The following SDK1 variants were observed in gnomAD, a reference collection of about 807,000 sequenced individuals.
The protein encoded by SDK1 is protein sidekick-1.
Under a neutral mutation model 245.5 loss-of-function variants are expected in SDK1, and 157 were observed. The ratio of observed to expected loss-of-function variants is 0.64; its 90% CI spans 0.56 to 0.73. The LOEUF is 0.73. SDK1 is among the 30% of genes least tolerant of loss of function. The pLI is 0.00. For synonymous variants in SDK1, 1,647 were observed against 1,278.5 expected (o/e 1.29, Z -6.15); for missense variants, 3,583 against 3,002.3 (o/e 1.19, Z -4.52).
chr7:3,763,804 T>A (rs568516017), intron 4 of SDK1, among the ~76,000 whole-genome samples: 3 of 152,192 alleles, frequency 2.0e-5, no homozygotes, highest in Non-Finnish European at 4.4e-5. Context: ...CATGACATAT[T>A]CATACATTAG....
chr7:3,507,179 C>T (rs926208414), intron 1 of SDK1, among the ~76,000 whole-genome samples: 7 of 152,186 alleles, frequency 4.6e-5, no homozygotes, highest in East Asian at 1.9e-4. Context: ...GTCTTCAACA[C>T]TGTGTGTACT....
intron 7 of SDK1, chr7:3,957,899 G>A: frequency 2.2e-6 from 1 of 459,634 alleles, no homozygotes; most frequent in South Asian, 1.6e-5. Context: ...GGTTGATTCA[G>A]GCAGATTCTT....
intron 25 of SDK1, among the ~76,000 whole-genome samples, chr7:4,125,239 T>C (rs1784314995): frequency 1.4e-5 from 2 of 143,096 alleles, no homozygotes; most frequent in African/African-American, 5.4e-5. Flanking sequence ...GGATGATGGA[T>C]GGAGGAATGA....
At chr7:3,971,319 C>T (rs1176434874) in intron 11 of SDK1, 147 bp from the exon 12 acceptor site, 1 of 639,504 alleles carries the variant, frequency 1.6e-6, no homozygotes, top group African/African-American at 1.8e-5. Flanking sequence ...CCTAGCATTT[C>T]TGAGAGTGAT....
chr7:3,571,759 A>G (rs1275024888), intron 1 of SDK1, among the ~76,000 whole-genome samples: 1 of 152,138 alleles, frequency 6.6e-6, no homozygotes, highest in Non-Finnish European at 1.5e-5. Flanking sequence ...TAATCAGAGA[A>G]TGGGATTAAA....
intron 1 of SDK1, among the ~76,000 whole-genome samples, chr7:3,323,447 G>GT (rs1294192997): frequency 6.6e-6 from 1 of 152,226 alleles, no homozygotes; most frequent in Non-Finnish European, 1.5e-5. Context: ...GCCATAAGAT[G>GT]TGTAGAGGTT....
chr7:3,353,698 A>G (rs970707371), intron 1 of SDK1, among the ~76,000 whole-genome samples: 1 of 152,158 alleles, frequency 6.6e-6, no homozygotes, highest in Non-Finnish European at 1.5e-5. Flanking sequence ...AATAGAAACT[A>G]TTGATGACTC....
chr7:3,680,847 A>G (rs900831021), intron 4 of SDK1, among the ~76,000 whole-genome samples: 1 of 151,824 alleles, frequency 6.6e-6, no homozygotes, highest in East Asian at 1.9e-4. Context: ...TTATTTATTT[A>G]TTTATGTATT....
intron 1 of SDK1, among the ~76,000 whole-genome samples, chr7:3,579,096 C>A (rs1780400005): frequency 6.6e-6 from 1 of 151,880 alleles, no homozygotes; most frequent in Admixed American, 6.6e-5. Context: ...ACAACTTTTC[C>A]TATATAAAGG....
intron 1 of SDK1, among the ~76,000 whole-genome samples, chr7:3,617,640 A>T (rs1279886944): frequency 1.3e-5 from 2 of 152,338 alleles, no homozygotes; most frequent in East Asian, 1.9e-4. Context: ...GTGCTATATC[A>T]TCCTGTCATG....
intron 1 of SDK1, among the ~76,000 whole-genome samples, chr7:3,385,522 A>G (rs1300129418): frequency 1.3e-5 from 2 of 152,046 alleles, no homozygotes; most frequent in Non-Finnish European, 2.9e-5. Context: ...AAACTCCAGA[A>G]TCTTCCTGGA....
At position 4,265,191 on chromosome 7, in the gene SDK1, C is replaced by T. The variant is rs560085380; in HGVS notation, c.6449C>T (p.Pro2150Leu). Residue 2150 changes from proline to leucine, a missense_variant, in exon 45 of 45, where the codon CCC becomes CTC. Transcript: ENST00000404826. ...HSFVNHYMSDPTYYNSWKRRA... is the reference protein window; with the variant it reads ...HSFVNHYMSDLTYYNSWKRRA... ...TTCGTGAACCACTACATGAGCGACC[C>T]CACCTACTACAACTCATGGAAGCGC... The T allele has an allele frequency of 1.7e-5, 27 of 1,612,126 alleles. No individual in the cohort carries two copies. The Middle Eastern group carries it at 5.0e-4, about 30-fold the overall frequency.
intron 1 of SDK1, among the ~76,000 whole-genome samples, chr7:3,332,379 A>G (rs1176842612): frequency 1.3e-5 from 2 of 152,114 alleles, no homozygotes; most frequent in African/African-American, 4.8e-5. Context: ...TTATTCTGGC[A>G]TTATATCTTA....
At chr7:3,998,153 G>A (rs1328756539) in intron 14 of SDK1, among the ~76,000 whole-genome samples, 1 of 152,230 alleles carries the variant, frequency 6.6e-6, no homozygotes, top group African/African-American at 2.4e-5. Context: ...GGGAGGCCCA[G>A]GTCTGCAGCC....
chr7:3,980,521 A>G (rs527829410), intron 13 of SDK1, among the ~76,000 whole-genome samples: 23 of 152,368 alleles, frequency 1.5e-4, no homozygotes, highest in East Asian at 3.9e-4. Context: ...CTTCGACGCA[A>G]TCTATCCCCA....
intron 5 of SDK1, among the ~76,000 whole-genome samples, chr7:3,946,883 A>G (rs1386764499): frequency 6.6e-6 from 1 of 152,150 alleles, no homozygotes; most frequent in East Asian, 1.9e-4. Flanking sequence ...AAGGCTATAA[A>G]CAGAATGCAG....
intron 4 of SDK1, among the ~76,000 whole-genome samples, chr7:3,642,405 T>C (rs1230603901): frequency 2.0e-5 from 3 of 152,220 alleles, no homozygotes; most frequent in Non-Finnish European, 2.9e-5. Context: ...TTTTAAGATG[T>C]CATTGTCATC....
chr7:3,356,882 C>A (rs189807593), intron 1 of SDK1, among the ~76,000 whole-genome samples: 33 of 151,802 alleles, frequency 2.2e-4, no homozygotes, highest in African/African-American at 7.5e-4. Context: ...ATGGTGAAAC[C>A]CCATCTCTAC....
rs193032665 is a variant in SDK1 at position 3,665,205 on chromosome 7, A to C, written c.713+23100A>C. On this transcript the variant is annotated intron_variant, in intron 4 of 44. Transcript: ENST00000404826. The stretch of plus-strand genomic sequence containing the variant: ...TGCCTCCTCAACAGGAGACCCACAC[A>C]TGGGGACCACCCTGTGCACGCAGAG... 1.0e-3 allele frequency among the ~76,000 whole-genome samples: 159 copies of C among 152,180 alleles called. 2 individuals are homozygous for C. Among genetic ancestry groups the C allele is most frequent in the Non-Finnish European group, 3.7e-4 (25 of 68,022 alleles).
Sources: gnomAD v4.1 joint callset for allele counts (sites outside exome capture counted in the v4.1 genomes callset) on GRCh38, gnomAD v4.1.1 for gene constraint, MANE v1.5 for transcripts, NCBI Gene and HGNC (gene_info 2026-07-23, HGNC 2026-07-21) for gene names.